ANK1: variants seen among roughly 807,000 people sequenced by gnomAD.
The protein encoded by ANK1 is ankyrin-1.
A neutral mutation model predicts 210.4 loss-of-function variants in ANK1; 51 were observed. The observed-to-expected ratio is 0.24, with a 90% CI of 0.19 to 0.31. The LOEUF is 0.31. Among genes scored for constraint, ANK1 ranks in the 10% least tolerant of loss-of-function variants. The probability of loss-of-function intolerance (pLI) is 1.00; values close to 1 mark genes in which losing one functional copy is unlikely to be tolerated. For missense variants in ANK1, 2,051 were observed against 2,504.4 expected (o/e 0.82, Z 3.86); for synonymous variants, 967 against 1,025.9 (o/e 0.94, Z 1.10).
At chr8:41,859,849 A>G (rs911126822) in intron 1 of ANK1, among the ~76,000 whole-genome samples, 6 of 152,262 alleles carry the variant, frequency 3.9e-5, no homozygotes, top group Non-Finnish European at 8.8e-5. Context: ...CCGCAGCAAC[A>G]ACAGGTAGCT....
rs145239960 is a variant in ANK1 at position 41,748,818 on chromosome 8, G to T, written c.129+9218C>A. On this transcript the variant is annotated intron_variant, in intron 2 of 42. Transcript: ENST00000289734. ...TGGGAGGCTAAGGCGGGCAGATCAC[G>T]AGGTCAGGAGATCAAGACCATCCCA... is the stretch of plus-strand genomic sequence containing the variant. Among the ~76,000 whole-genome samples the T allele has an allele frequency of 3.0e-4, 45 of 152,164 alleles. 1 individual carries two copies. Among genetic ancestry groups the T allele is most frequent in the African/African-American group, 3.1e-4 (13 of 41,440 alleles).
At chr8:41,809,761 C>G (rs1045824066) in intron 1 of ANK1, among the ~76,000 whole-genome samples, 1 of 152,180 alleles carries the variant, frequency 6.6e-6, no homozygotes, top group African/African-American at 2.4e-5. Flanking sequence ...AGTGAGACCC[C>G]ACCTCTAAAA....
intron 1 of ANK1, among the ~76,000 whole-genome samples, chr8:41,867,620 A>G (rs904098667): frequency 1.3e-5 from 2 of 151,906 alleles, no homozygotes; most frequent in African/African-American, 4.8e-5. Context: ...GGCAGCACCC[A>G]TGCCACACAC....
chr8:41,692,496 A>C (rs762621251), intron 31 of ANK1, 152 bp downstream of exon 31: 14 of 771,244 alleles, frequency 1.8e-5, no homozygotes, highest in Middle Eastern at 3.8e-4. Flanking sequence ...AAGCTTCTCT[A>C]AGATGCTTCT....
At chr8:41,731,003 A>T (rs534583615) in intron 3 of ANK1, among the ~76,000 whole-genome samples, 2 of 152,280 alleles carry the variant, frequency 1.3e-5, no homozygotes, top group Admixed American at 6.5e-5. Flanking sequence ...TGTTTTGGGG[A>T]GCTCATCAGT....
intron 1 of ANK1, among the ~76,000 whole-genome samples, chr8:41,880,134 A>C (rs1306085787): frequency 6.6e-6 from 1 of 152,226 alleles, no homozygotes; most frequent in Non-Finnish European, 1.5e-5. Context: ...AAAGAAGAAA[A>C]ACATTTTGTA....
intron 2 of ANK1, among the ~76,000 whole-genome samples, chr8:41,742,447 C>T (rs571774139): frequency 6.6e-6 from 1 of 152,332 alleles, no homozygotes; most frequent in African/African-American, 2.4e-5. Flanking sequence ...TTCACCCGTG[C>T]ACAAGGCTGG....
At chr8:41,791,088 ACT>A (rs1847566673) in intron 1 of ANK1, among the ~76,000 whole-genome samples, 2 of 150,476 alleles carry the variant, frequency 1.3e-5, no homozygotes, top group Admixed American at 6.6e-5. Context: ...AATCTGCTCC[ACT>A]GTTTGCAAAT....
chr8:41,869,672 A>G (rs1230385163), intron 1 of ANK1, among the ~76,000 whole-genome samples: 1 of 152,182 alleles, frequency 6.6e-6, no homozygotes, highest in Non-Finnish European at 1.5e-5. Context: ...CTTGTAGGAA[A>G]AGCACACTGT....
chr8:41,774,922 A>C (rs1265660408), intron 1 of ANK1, among the ~76,000 whole-genome samples: 2 of 152,216 alleles, frequency 1.3e-5, no homozygotes, highest in African/African-American at 4.8e-5. Flanking sequence ...CCCATTTACT[A>C]AACTACCTCC....
Position 41,661,455 on chromosome 8 carries a change from G to A in ANK1, c.*11C>T. On this transcript the variant is annotated 3_prime_UTR_variant, in exon 42 of 43. Transcript: ENST00000289734. Reference sequence around the variant, plus strand: ...CTCCCGAGAGGCTACTCCAAGGAGAGCGGCTCGGGGTCACTGTTTCCCCCT... The same window carrying A: ...CTCCCGAGAGGCTACTCCAAGGAGAACGGCTCGGGGTCACTGTTTCCCCCT... The A allele has an allele frequency of 1.2e-6, 2 of 1,614,110 alleles. No individual in the cohort carries two copies. Among genetic ancestry groups the A allele is most frequent in the Non-Finnish European group, 1.7e-6 (2 of 1,180,042 alleles).
At chr8:41,822,863 C>A (rs546976568) in intron 1 of ANK1, among the ~76,000 whole-genome samples, 1 of 152,178 alleles carries the variant, frequency 6.6e-6, no homozygotes, top group African/African-American at 2.4e-5. Flanking sequence ...AGCACGAGAG[C>A]GGGGGCGGTG....
upstream of ANK1, chr8:41,797,646 A>G (rs77173848): frequency 0.023 from 35,329 of 1,532,402 alleles, 774 homozygotes; most frequent in African/African-American, 0.11. This position sits in a 1 kb window ranked among gnomAD's most constrained non-coding sequence, Gnocchi z 4.0. Flanking sequence ...CGTGCGGGCC[A>G]GGCCCCCGAG....
At chr8:41,727,203 C>T (rs774156116) in intron 5 of ANK1, 47 bp downstream of exon 5, 1 of 1,481,808 alleles carries the variant, frequency 6.7e-7, no homozygotes, top group Non-Finnish European at 9.4e-7. Flanking sequence ...CAAGGTTGTA[C>T]ACCTGGGAGA....
At chr8:41,675,807 T>C (rs944692196) in intron 37 of ANK1, among the ~76,000 whole-genome samples, 2 of 152,246 alleles carry the variant, frequency 1.3e-5, no homozygotes, top group African/African-American at 4.8e-5. Flanking sequence ...ATCTGCTTTT[T>C]GCCACTACAC....
At chr8:41,734,811 G>GC (rs2150674452) in intron 2 of ANK1, among the ~76,000 whole-genome samples, 1 of 152,192 alleles carries the variant, frequency 6.6e-6, no homozygotes, top group South Asian at 2.1e-4. Flanking sequence ...GCTGAGGTGG[G>GC]AGAATCACCT....
At chr8:41,703,912 T>G in intron 20 of ANK1, 129 bp downstream of exon 20, 1 of 812,362 alleles carries the variant, frequency 1.2e-6, no homozygotes, top group Non-Finnish European at 2.1e-6. Flanking sequence ...AAGGTAGCTG[T>G]GGCTTTAGGG....
chr8:41,757,924 G>A, intron 2 of ANK1, 112 bp downstream of exon 2: 3 of 1,016,856 alleles, frequency 3.0e-6, no homozygotes, highest in Non-Finnish European at 4.6e-6. Flanking sequence ...CCCTGGGGGA[G>A]TTTTGAGGCC....
At chr8:41,703,956 A>G in intron 20 of ANK1, 85 bp downstream of exon 20, 1 of 1,300,300 alleles carries the variant, frequency 7.7e-7, no homozygotes, top group South Asian at 1.2e-5. Context: ...AGACACGTGC[A>G]TTAACCTCTA....
Sources: gnomAD v4.1 joint callset for allele counts (sites outside exome capture counted in the v4.1 genomes callset) on GRCh38, gnomAD v4.1.1 for gene constraint, Gnocchi (gnomAD v3.1) non-coding constraint, MANE v1.5 for transcripts, NCBI Gene and HGNC (gene_info 2026-07-23, HGNC 2026-07-21) for gene names.